Variants in CA5A observed in about 807,000 individuals in gnomAD.
CA5A encodes the protein carbonic anhydrase 5A.
A neutral mutation model predicts 37.1 loss-of-function variants in CA5A; 28 were observed. That is an observed-to-expected ratio of 0.75 (90% CI 0.56 to 1.03). The LOEUF is 1.03. CA5A is among the 50% of genes least tolerant of loss of function. The probability of loss-of-function intolerance (pLI) is 0.00; values close to 1 mark genes in which losing one functional copy is unlikely to be tolerated. For missense variants in CA5A, 444 were observed against 399.9 expected, an observed-to-expected ratio of 1.11 and a Z score of -0.94; for synonymous variants, 171 against 158.4, an observed-to-expected ratio of 1.08 and a Z score of -0.60.
intron 5 of CA5A, among the ~76,000 whole-genome samples, chr16:87,894,772 G>A (rs916023726): frequency 7.9e-5 from 12 of 152,036 alleles, no homozygotes; most frequent in South Asian, 2.1e-4. Flanking sequence ...GCAGCTGCTC[G>A]GGAGACTGAG....
rs889698544 is a variant in CA5A at position 87,888,145 on chromosome 16, T to A, written c.902A>T (p.Glu301Val). Residue 301 changes from glutamate to valine, a missense_variant, in exon 7 of 7, where the codon GAG becomes GTG. Glu to Val is a moderately radical substitution (Grantham distance 121). Transcript: ENST00000649794. ...KVWASFQATN[E>V]GTRS ...CTAATGTCTCTAGGACCTTGTGCCC[T>A]CATTAGTGGCCTGGAAGGACGCCCA... 5 of 1,613,196 alleles carry A rather than the reference T, an allele frequency of 3.1e-6. No homozygotes were observed. In the African/African-American group the frequency reaches 6.7e-5, roughly 22 times the overall value.
In CA5A at chr16:87,904,845, C is replaced by A; in HGVS notation, c.400G>T (p.Gly134Ter). ...TCTGAGCCCCCCTCGTTCACTGCTCCCCAGTGGAAGTGAAATTGCTTCAGT... is the reference window on the plus strand; with the variant it reads ...TCTGAGCCCCCCTCGTTCACTGCTCACCAGTGGAAGTGAAATTGCTTCAGT... ...YRLKQFHFHW[G>*]AVNEGGSEHT... Residue 134 changes from glycine (G) to a stop codon, truncating the protein, a stop_gained, in exon 3 of 7, where the codon GGA becomes TGA. Transcript: ENST00000649794. LOFTEE classifies it high-confidence loss of function. 1.9e-6 allele frequency: 3 copies of A among 1,613,618 alleles called. No individual in the cohort carries two copies. The highest frequency in any genetic ancestry group is 2.5e-6 in the Non-Finnish European group (3 of 1,179,574).
chr16:87,934,304 C>G (rs1444375088), intron 1 of CA5A, among the ~76,000 whole-genome samples: 2 of 152,266 alleles, frequency 1.3e-5, no homozygotes, highest in Admixed American at 6.5e-5. Context: ...CGTGGTGGCT[C>G]ACGCCTGCAA....
In CA5A at chr16:87,892,553, AAT is replaced by A. The variant is rs1567515053; in HGVS notation, c.619-601_619-600del. Reference sequence around the variant, plus strand: ...TAATAATAATAATAATAATAATAATAATAAATTAATTAATAATAAAAATAAAA... The same window carrying A: ...TAATAATAATAATAATAATAATAATAAAATTAATTAATAATAAAAATAAAA... On this transcript the variant is annotated intron_variant, in intron 5 of 6. Coordinates refer to ENST00000649794, the MANE Select transcript of CA5A (RefSeq NM_001739.2). Among the ~76,000 whole-genome samples the A allele has an allele frequency of 3.0e-5, 4 of 135,494 alleles. No individual in the cohort carries two copies. In the East Asian group the frequency reaches 6.1e-4, roughly 21 times the overall value. The allele number at this position is 135,494 out of a possible 152,430, so 88.9% of individuals were successfully genotyped here.
chr16:87,891,935 C>T lies in CA5A; in HGVS notation c.638G>A (p.Arg213His), dbSNP rs781327006. The T allele has an allele frequency of 1.9e-5, 29 of 1,550,782 alleles. No individual in the cohort carries two copies. Among genetic ancestry groups the T allele is most frequent in the East Asian group, 5.0e-5 (2 of 40,218 alleles). Residue 213 changes from arginine to histidine, a missense_variant, in exon 6 of 7, where the codon CGC becomes CAC. Transcript: ENST00000649794. ...CAGCAGAGTGGAGGGGTCGAAGGGGCGCATGGCCGCCCGCGCGTCCTGAGA... is the reference window on the plus strand; with the variant it reads ...CAGCAGAGTGGAGGGGTCGAAGGGGTGCATGGCCGCCCGCGCGTCCTGAGA... ...IKHKDARAAM[R>H]PFDPSTLLPT...
At chr16:87,935,360 A>G (rs940832444) in intron 1 of CA5A, among the ~76,000 whole-genome samples, 1 of 152,150 alleles carries the variant, frequency 6.6e-6, no homozygotes, top group Non-Finnish European at 1.5e-5. Context: ...GAGCTGGCTG[A>G]GTGGTTTATT....
intron 1 of CA5A, among the ~76,000 whole-genome samples, chr16:87,935,332 C>A (rs761828163): frequency 2.0e-5 from 3 of 152,194 alleles, no homozygotes; most frequent in African/African-American, 7.2e-5. Flanking sequence ...GGGGCTGGCA[C>A]GGGGCAGTTT....
chr16:87,897,265 G>T (rs1261798467), intron 5 of CA5A, among the ~76,000 whole-genome samples: 1 of 152,280 alleles, frequency 6.6e-6, no homozygotes, highest in East Asian at 1.9e-4. Context: ...AGGCAGGGAG[G>T]AGGGGGGACC....
chr16:87,923,473 C>A (rs1185451925), intron 2 of CA5A: 1 of 893,340 alleles, frequency 1.1e-6, no homozygotes, highest in Non-Finnish European at 1.3e-6. Flanking sequence ...TAAGCATGAG[C>A]CAGCTCGCCC....
At chr16:87,903,531 A>G (rs2055911484) in intron 3 of CA5A, among the ~76,000 whole-genome samples, 1 of 150,506 alleles carries the variant, frequency 6.6e-6, no homozygotes, top group African/African-American at 2.4e-5. Flanking sequence ...GTTAAATGAA[A>G]GGAAGCACAC....
At chr16:87,928,082 G>A (rs947907530) in intron 1 of CA5A, among the ~76,000 whole-genome samples, 1 of 152,100 alleles carries the variant, frequency 6.6e-6, no homozygotes, top group African/African-American at 2.4e-5. Context: ...CCTTGCTTGG[G>A]GATGTCACCC....
intron 1 of CA5A, among the ~76,000 whole-genome samples, chr16:87,931,236 C>A: frequency 6.6e-6 from 1 of 151,562 alleles, no homozygotes; most frequent in Middle Eastern, 3.2e-3. Flanking sequence ...CTCAGTCTCC[C>A]GAGTAGCTGG....
downstream of CA5A, chr16:87,884,231 C>A (rs1312277278): frequency 1.8e-5 from 2 of 108,520 alleles, no homozygotes; most frequent in African/African-American, 3.7e-5. Context: ...GCCTGACCAA[C>A]ATGGTGAAAC....
downstream of CA5A, chr16:87,884,055 AT>A (rs2055629389): frequency 6.6e-6 from 1 of 152,034 alleles, no homozygotes; most frequent in Non-Finnish European, 1.5e-5. Flanking sequence ...ATGTTGGAAG[AT>A]AATGTAATTA....
intron 3 of CA5A, among the ~76,000 whole-genome samples, chr16:87,904,161 G>A (rs541074522): frequency 3.0e-4 from 45 of 152,030 alleles, no homozygotes; most frequent in Non-Finnish European, 6.0e-4. Flanking sequence ...GGCCAACATG[G>A]CGAAACCCCA....
intron 3 of CA5A, among the ~76,000 whole-genome samples, chr16:87,903,385 C>T (rs764087440): frequency 6.6e-6 from 1 of 151,342 alleles, no homozygotes; most frequent in African/African-American, 2.4e-5. Flanking sequence ...GAGCCAAGAT[C>T]GTGAGATAGC....
chr16:87,914,658 T>C (rs1382503569), intron 2 of CA5A, among the ~76,000 whole-genome samples: 2 of 147,994 alleles, frequency 1.4e-5, no homozygotes, highest in African/African-American at 2.5e-5. Context: ...GCTCAGCTAC[T>C]GGCACAGCAA....
At chr16:87,888,836 T>C (rs547313788) in intron 6 of CA5A, among the ~76,000 whole-genome samples, 6 of 152,130 alleles carry the variant, frequency 3.9e-5, no homozygotes, top group African/African-American at 1.2e-4. Flanking sequence ...CGCTGCAACC[T>C]CCGCCTCCCA....
At chr16:87,915,537 T>C (rs1372004184) in intron 2 of CA5A, among the ~76,000 whole-genome samples, 1 of 129,546 alleles carries the variant, frequency 7.7e-6, no homozygotes. Flanking sequence ...TTTTTTTTTT[T>C]TTTTTTTTTT....
Sources: allele counts gnomAD v4.1 joint callset (sites outside exome capture counted in the v4.1 genomes callset), GRCh38; gene constraint gnomAD v4.1.1; transcripts MANE v1.5; gene names NCBI Gene and HGNC (gene_info 2026-07-23, HGNC 2026-07-21).